The following PRMT5 variants were observed in gnomAD, a reference collection of about 807,000 sequenced individuals.
PRMT5 encodes protein arginine methyltransferase 5.
A neutral mutation model predicts 84.0 loss-of-function variants in PRMT5; 15 were observed. The ratio of observed to expected loss-of-function variants is 0.18; its 90% CI spans 0.12 to 0.28. The LOEUF is 0.28. Ranked by LOEUF, PRMT5 falls within the 10% of genes least tolerant of loss-of-function variation. PRMT5 has a pLI of 1.00. For synonymous variants in PRMT5, 276 were observed against 292.4 expected (o/e 0.94, Z 0.57); for missense variants, 486 against 808.0 (o/e 0.60, Z 4.83).
At position 22,928,402 on chromosome 14, in the gene PRMT5, A is replaced by G; in HGVS notation, c.229+95T>C. On this transcript the variant is annotated intron_variant, in intron 2 of 16. Coordinates refer to ENST00000324366, the MANE Select transcript of PRMT5 (RefSeq NM_006109.5). This position sits in a 1 kb window ranked among gnomAD's most constrained non-coding sequence, Gnocchi z 4.8. ...ATCTATATCCCAGGGACTAACAAAT[A>G]TATCCAAGTCAGAAAAGGAGGAGAA... is the stretch of plus-strand genomic sequence containing the variant. 1 of 1,225,710 alleles carries G rather than the reference A, an allele frequency of 8.2e-7. No homozygotes were observed. The highest frequency in any genetic ancestry group is 1.2e-5 in the South Asian group (1 of 81,544). The allele number at this position is 1,225,710 out of a possible 1,614,324, so 75.9% of individuals were successfully genotyped here.
Position 22,924,045 on chromosome 14 carries a change from C to T in PRMT5, c.1338G>A (p.Ser446=), listed in dbSNP as rs749432721. The T allele has an allele frequency of 1.4e-5, 23 of 1,592,516 alleles. No homozygotes were observed. The highest frequency in any genetic ancestry group is 2.7e-5 in the African/African-American group (2 of 74,234). Residue 446 remains serine, a synonymous_variant, in exon 12 of 17, where the codon TCG becomes TCA. Transcript: ENST00000324366. The surrounding 1 kb of genome is among the most constrained non-coding windows in gnomAD (Gnocchi z 6.5). ...GCTGGGCTCCATCCAGGCACTCAGGCGACAATTCATTGTCAGCAAATGAGC... is the reference window on the plus strand; with the variant it reads ...GCTGGGCTCCATCCAGGCACTCAGGTGACAATTCATTGTCAGCAAATGAGC... The part of the protein sequence containing the change: ...LLGSFADNEL[S]PECLDGAQHF...
Position 22,926,300 on chromosome 14 carries a change from C to T in PRMT5, c.614-4G>A. The T allele has an allele frequency of 1.2e-6, 2 of 1,612,802 alleles. No individual in the cohort carries two copies. Among genetic ancestry groups the T allele is most frequent in the Non-Finnish European group, 1.7e-6 (2 of 1,179,342 alleles). ...AGGTCAGCCCCAATTTCAAGAGCTA[C>T]ATGAGGCAAAAGAAAAACTGTCAAC... On this transcript the variant is annotated splice_region_variant and splice_polypyrimidine_tract_variant and intron_variant, in intron 6 of 16. Transcript: ENST00000324366.
intron 15 of PRMT5, 81 bp from the exon 16 acceptor site, chr14:22,922,321 T>C: frequency 9.0e-7 from 1 of 1,106,296 alleles, no homozygotes; most frequent in East Asian, 2.8e-5. Context: ...TCTTCTCTAA[T>C]CACACAAAGA....
rs745763252 is a variant in PRMT5 at position 22,926,144 on chromosome 14, G to A, written c.766C>T (p.Arg256Trp). 12 of 1,610,592 alleles carry A rather than the reference G, an allele frequency of 7.5e-6. No individual in the cohort carries two copies. The highest frequency in any genetic ancestry group is 1.3e-5 in the African/African-American group (1 of 74,790). Residue 256 changes from arginine (R) to tryptophan (W), a missense_variant, in exon 7 of 17, where the codon CGG becomes TGG. This residue lies in a region of PRMT5 where 215 missense variants were observed against 301.1 expected (regional missense o/e 0.71). Coordinates refer to ENST00000324366, the MANE Select transcript of PRMT5 (RefSeq NM_006109.5). Reference sequence around the variant, plus strand: ...CTCCTACCACTCACCTTGAGGAGCCGGAAGATGAGCCTCTGGTGCATCTTA... The same window carrying A: ...CTCCTACCACTCACCTTGAGGAGCCAGAAGATGAGCCTCTGGTGCATCTTA... ...LSKMHQRLIFRLLKLEVQFII... is the reference protein window; with the variant it reads ...LSKMHQRLIFWLLKLEVQFII...
At chr14:22,929,205 C>G in intron 1 of PRMT5, 47 bp downstream of exon 1, 2 of 1,614,126 alleles carry the variant, frequency 1.2e-6, no homozygotes, top group East Asian at 4.5e-5. Context: ...CCTTCTCCGT[C>G]CCCGAGTTCG....
At position 22,929,255 on chromosome 14, in the gene PRMT5, T is replaced by A; in HGVS notation, c.107A>T (p.Gln36Leu). ...IADTLGAVAKQGFDFLCMPVF... is the reference protein window; with the variant it reads ...IADTLGAVAKLGFDFLCMPVF... The stretch of plus-strand genomic sequence containing the variant: ...CTCGTGGAGGTCCGGCCCTCACCCC[T>A]GCTTGGCCACAGCCCCTAGTGTGTC... Residue 36 changes from glutamine (Q) to leucine (L), a missense_variant, in exon 1 of 17, where the codon CAG (glutamine) becomes CTG (leucine). Coordinates refer to ENST00000324366, the MANE Select transcript of PRMT5 (RefSeq NM_006109.5). The A allele has an allele frequency of 6.2e-7, 1 of 1,614,038 alleles. No individual in the cohort carries two copies. The highest frequency in any genetic ancestry group is 1.1e-5 in the South Asian group (1 of 91,064).
chr14:22,926,315 A>G lies in PRMT5; in HGVS notation c.614-19T>C. ...TCAAGAGCTACATGAGGCAAAAGAA[A>G]AACTGTCAACCACTGCCAGGCAAGA... On this transcript the variant is annotated intron_variant, in intron 6 of 16. Coordinates refer to ENST00000324366, the MANE Select transcript of PRMT5 (RefSeq NM_006109.5). 6.2e-7 allele frequency: 1 copy of G among 1,611,814 alleles called. No homozygotes were observed. The highest frequency in any genetic ancestry group is 8.5e-7 in the Non-Finnish European group (1 of 1,178,780).
In PRMT5 at chr14:22,924,643, G is replaced by C; in HGVS notation, c.1006C>G (p.Gln336Glu). Residue 336 changes from glutamine (Q) to glutamate (E), a missense_variant, in exon 9 of 17, where the codon CAG (glutamine) becomes GAG (glutamate). Physicochemically the swap from Gln to Glu is conservative, Grantham distance 29. Coordinates refer to ENST00000324366, the MANE Select transcript of PRMT5 (RefSeq NM_006109.5). The surrounding 1 kb of genome is among the most constrained non-coding windows in gnomAD (Gnocchi z 6.5). ...VFEKDPIKYS[Q>E]YQQAIYKCLL... is the part of the protein sequence containing the mutation. Reference sequence around the variant, plus strand: ...GCACCACACAGTACCTGCTGGTACTGAGAGTATTTGATGGGGTCCTTTTCA... The same window carrying C: ...GCACCACACAGTACCTGCTGGTACTCAGAGTATTTGATGGGGTCCTTTTCA... 2.5e-6 allele frequency: 4 copies of C among 1,614,046 alleles called. No individual in the cohort carries two copies. The highest frequency in any genetic ancestry group is 3.3e-4 in the Middle Eastern group (2 of 6,062).
rs1286277938 is a variant in PRMT5 at position 22,928,094 on chromosome 14, A to G, written c.315+32T>C. On this transcript the variant is annotated intron_variant, in intron 3 of 16. Transcript: ENST00000324366. The surrounding 1 kb of genome is among the most constrained non-coding windows in gnomAD (Gnocchi z 4.8). Reference sequence around the variant, plus strand: ...CACTCTCCCCACCCAGCTTGGTTAGAAAAATCCAGCAGAGAAGTCAAACAG... The same window carrying G: ...CACTCTCCCCACCCAGCTTGGTTAGGAAAATCCAGCAGAGAAGTCAAACAG... 11 of 1,595,968 alleles carry G rather than the reference A, an allele frequency of 6.9e-6. No homozygotes were observed. Among genetic ancestry groups the G allele is most frequent in the Admixed American group, 3.4e-5 (2 of 58,428 alleles).
intron 7 of PRMT5, among the ~76,000 whole-genome samples, 183 bp downstream of exon 7, chr14:22,925,950 T>C (rs920569465): frequency 3.3e-5 from 5 of 152,222 alleles, no homozygotes; most frequent in African/African-American, 1.2e-4. Context: ...TTGGTTTGTT[T>C]TGAAAGGTTT....
chr14:22,928,433 G>A lies in PRMT5; in HGVS notation c.229+64C>T. The stretch of plus-strand genomic sequence containing the variant: ...AAGTCAGAAAAGGAGGAGAATGAGG[G>A]CCCCGATAAAGCAGAAGTTGTTATT... On this transcript the variant is annotated intron_variant, in intron 2 of 16. Transcript: ENST00000324366. This position sits in a 1 kb window ranked among gnomAD's most constrained non-coding sequence, Gnocchi z 4.8. 7.3e-7 allele frequency: 1 copy of A among 1,376,928 alleles called. No individual in the cohort carries two copies. The highest frequency in any genetic ancestry group is 1.0e-6 in the Non-Finnish European group (1 of 965,732). The allele number at this position is 1,376,928 out of a possible 1,614,324, so 85.3% of individuals were successfully genotyped here. A position where few individuals can be genotyped will look rare whatever the true frequency, so the allele number is the denominator to read the frequency against.
Position 22,928,010 on chromosome 14 carries a change from A to C in PRMT5, c.315+116T>G, listed in dbSNP as rs2044464665. On this transcript the variant is annotated intron_variant, in intron 3 of 16. Coordinates refer to ENST00000324366, the MANE Select transcript of PRMT5 (RefSeq NM_006109.5). This position sits in a 1 kb window ranked among gnomAD's most constrained non-coding sequence, Gnocchi z 4.8. ...AGGTGTGCACCACAGCACCCAGCCT[A>C]ATAGCTTTAATTTCATTCTATCAGT... is the stretch of plus-strand genomic sequence containing the variant. The C allele has an allele frequency of 1.1e-6, 1 of 940,542 alleles. No individual in the cohort carries two copies. Among genetic ancestry groups the C allele is most frequent in the Non-Finnish European group, 1.6e-6 (1 of 616,098 alleles). 58.3% of individuals were successfully genotyped at this position (940,542 alleles called of 1,614,324 possible).
In PRMT5 at chr14:22,920,785, T is replaced by G. The variant is rs1594505047; in HGVS notation, c.*119A>C. On this transcript the variant is annotated 3_prime_UTR_variant, in exon 17 of 17. Transcript: ENST00000324366. The stretch of plus-strand genomic sequence containing the variant: ...CTTGATGTAAGGCAGGAAAGCAGAT[T>G]GAAATGCTCCTCTCTGATGGGCAAG... The G allele has an allele frequency of 6.4e-6, 9 of 1,415,082 alleles. No individual in the cohort carries two copies. In the East Asian group the frequency reaches 2.1e-4, roughly 32 times the overall value. The allele number at this position is 1,415,082 out of a possible 1,614,324, so 87.7% of individuals were successfully genotyped here.
rs1489381110 is a variant in PRMT5, at chr14:22,920,898, G to A, written c.*6C>T. On this transcript the variant is annotated 3_prime_UTR_variant, in exon 17 of 17. Transcript: ENST00000324366. ...TTCCAAGGCTCTGGACACTTGGCAC[G>A]CAGGGCTAGAGGCCAATGGTATATG... 13 of 1,613,748 alleles carry A rather than the reference G, an allele frequency of 8.1e-6. No homozygotes were observed. Among genetic ancestry groups the A allele is most frequent in the South Asian group, 2.2e-5 (2 of 91,086 alleles).
intron 7 of PRMT5, among the ~76,000 whole-genome samples, chr14:22,925,665 A>G (rs1459887999): frequency 2.0e-5 from 3 of 152,022 alleles, no homozygotes; most frequent in African/African-American, 7.2e-5. Context: ...CTGAAAATAC[A>G]AAAATTAGCC....
intron 16 of PRMT5, among the ~76,000 whole-genome samples, chr14:22,921,557 T>C (rs1172653914): frequency 6.6e-6 from 1 of 152,062 alleles, no homozygotes; most frequent in African/African-American, 2.4e-5. Context: ...CTAAAGACAA[T>C]GGGAAGGCAT....
chr14:22,922,166 C>T lies in PRMT5; in HGVS notation c.1761+10G>A, dbSNP rs1254024018. 2 of 1,554,248 alleles carry T rather than the reference C, an allele frequency of 1.3e-6. No homozygotes were observed. Among genetic ancestry groups the T allele is most frequent in the Admixed American group, 1.7e-5 (1 of 59,914 alleles). On this transcript the variant is annotated intron_variant, in intron 16 of 16. Transcript: ENST00000324366. ...CTGCTTAACTAGAGAGTCTTAAAAG[C>T]AGTTCCTACCTTAATAGGGAAGAGG...
rs115984376 is a variant in PRMT5 at position 22,920,663 on chromosome 14, G to A, written c.*241C>T. 1,252 of 704,020 alleles carry A rather than the reference G, an allele frequency of 1.8e-3. 10 individuals are homozygous for A. The African/African-American group carries it at 0.019, about 11-fold the overall frequency. 43.6% of individuals were successfully genotyped at this position (704,020 alleles called of 1,614,324 possible). A position where few individuals can be genotyped will look rare whatever the true frequency, so the allele number is the denominator to read the frequency against. ...CCAGGGAGTTCTTGAGGCTGAGTGC[G>A]TAGCTTCAAATCCAGCACTAATTCC... On this transcript the variant is annotated 3_prime_UTR_variant, in exon 17 of 17. Coordinates refer to ENST00000324366, the MANE Select transcript of PRMT5 (RefSeq NM_006109.5).
Position 22,924,941 on chromosome 14 carries a change from G to A in PRMT5, c.877C>T (p.Pro293Ser). Residue 293 changes from proline to serine, a missense_variant, in exon 8 of 17, where the codon CCA (proline) becomes TCA (serine). Transcript: ENST00000324366. This position sits in a 1 kb window ranked among gnomAD's most constrained non-coding sequence, Gnocchi z 6.5. ...YLEYLSQNRP[P>S]PNAYELFAKG... The stretch of plus-strand genomic sequence containing the variant: ...GCAAAGAGTTCATAGGCATTAGGTG[G>A]AGGACGGTTCTGGCTTAAGTATTCC... The A allele has an allele frequency of 1.2e-6, 2 of 1,614,146 alleles. No homozygotes were observed. The highest frequency in any genetic ancestry group is 8.5e-7 in the Non-Finnish European group (1 of 1,180,038).
Sources: gnomAD v4.1 joint callset for allele counts (sites outside exome capture counted in the v4.1 genomes callset) on GRCh38, gnomAD v4.1.1 for gene constraint, gnomAD v4.1.1 regional missense constraint, Gnocchi (gnomAD v3.1) non-coding constraint, MANE v1.5 for transcripts, NCBI Gene and HGNC (gene_info 2026-07-23, HGNC 2026-07-21) for gene names.